The following ZNF718 variants were observed in gnomAD, a reference collection of about 807,000 sequenced individuals.
The protein encoded by ZNF718 is zinc finger protein 718.
In ZNF718, 3 loss-of-function variants were observed where a neutral mutation model predicts 2.6. The observed-to-expected ratio is 1.16, with a 90% CI of 0.53 to 3.01. The LOEUF is 3.01. ZNF718 is among the 30% of genes most tolerant of loss of function. ZNF718 has a pLI of 0.03. For missense variants in ZNF718, 468 were observed against 230.0 expected (o/e 2.03, Z -6.69); for synonymous variants, 135 against 77.9 (o/e 1.73, Z -3.86).
chr4:147,119 C>T (rs1340336048), intron 3 of ZNF718, among the ~76,000 whole-genome samples: 1 of 152,116 alleles, frequency 6.6e-6, no homozygotes, highest in Non-Finnish European at 1.5e-5. Flanking sequence ...TACAGGTGTG[C>T]ACCACCACAC....
intron 3 of ZNF718, among the ~76,000 whole-genome samples, chr4:134,942 T>C (rs1419671778): frequency 6.6e-6 from 1 of 152,028 alleles, no homozygotes; most frequent in East Asian, 1.9e-4. Context: ...TCTCAGTTAA[T>C]GTAGAAAGTT....
intron 3 of ZNF718, among the ~76,000 whole-genome samples, chr4:196,021 C>G (rs185267690): frequency 2.0e-5 from 3 of 151,600 alleles, no homozygotes; most frequent in African/African-American, 7.3e-5. Context: ...TCTCTCTCCC[C>G]TCTCTCTCTC....
intron 1 of ZNF718, among the ~76,000 whole-genome samples, chr4:125,810 C>T (rs1044021667): frequency 1.3e-5 from 2 of 152,334 alleles, no homozygotes; most frequent in Middle Eastern, 3.4e-3. Context: ...TGGCCTAAGA[C>T]AGGGTTCTAC....
At chr4:137,168 G>A (rs1715604567) in intron 3 of ZNF718, among the ~76,000 whole-genome samples, 1 of 152,000 alleles carries the variant, frequency 6.6e-6, no homozygotes, top group South Asian at 2.1e-4. Flanking sequence ...AGCTTTTTGA[G>A]GCCTCTCTAG....
intron 3 of ZNF718, among the ~76,000 whole-genome samples, chr4:170,505 C>G (rs1038608549): frequency 6.6e-6 from 1 of 152,176 alleles, no homozygotes; most frequent in African/African-American, 2.4e-5. Context: ...TAGATTTGGT[C>G]TTTTCACATA....
At chr4:124,700 A>T (rs970763409) in intron 1 of ZNF718, 27 bp downstream of exon 1, 1 of 1,608,320 alleles carries the variant, frequency 6.2e-7, no homozygotes, top group East Asian at 2.2e-5. Flanking sequence ...GGGCGTCCCA[A>T]GGCTGTGGAG....
intron 3 of ZNF718, among the ~76,000 whole-genome samples, chr4:186,642 A>T (rs1717570798): frequency 6.6e-6 from 1 of 152,002 alleles, no homozygotes; most frequent in African/African-American, 2.4e-5. Flanking sequence ...TGCCTGTCTT[A>T]TTTCAGAAAG....
chr4:126,787 A>C (rs1244790696), intron 1 of ZNF718, among the ~76,000 whole-genome samples: 1 of 150,860 alleles, frequency 6.6e-6, no homozygotes, highest in Non-Finnish European at 1.5e-5. Flanking sequence ...TTGCTGTTCT[A>C]TTATGGTGGA....
intron 3 of ZNF718, among the ~76,000 whole-genome samples, chr4:174,614 G>C (rs917174520): frequency 6.6e-6 from 1 of 152,142 alleles, no homozygotes; most frequent in African/African-American, 2.4e-5. Flanking sequence ...AAGAAACCTA[G>C]CTAACAGGAA....
At chr4:140,135 G>T (rs531086061) in intron 3 of ZNF718, among the ~76,000 whole-genome samples, 2 of 151,848 alleles carry the variant, frequency 1.3e-5, no homozygotes, top group Non-Finnish European at 2.9e-5. Context: ...TTCCCTTACC[G>T]TACTCAACTG....
At chr4:194,751 C>T (rs1390671029) in intron 3 of ZNF718, among the ~76,000 whole-genome samples, 7 of 152,300 alleles carry the variant, frequency 4.6e-5, no homozygotes, top group Admixed American at 4.6e-4. Flanking sequence ...GACAAATGCA[C>T]TCTGACTGGG....
intron 1 of ZNF718, among the ~76,000 whole-genome samples, chr4:126,889 C>T (rs563544565): frequency 1.3e-5 from 2 of 150,298 alleles, no homozygotes; most frequent in African/African-American, 4.9e-5. Flanking sequence ...TGCAGTAGTG[C>T]GATCTCGGCT....
At chr4:180,975 A>G (rs1305612186) in intron 3 of ZNF718, among the ~76,000 whole-genome samples, 1 of 152,064 alleles carries the variant, frequency 6.6e-6, no homozygotes, top group Admixed American at 6.6e-5. Context: ...TGTATTCATT[A>G]TGATTCTGTT....
chr4:155,339 C>G (rs1553813471), intron 3 of ZNF718, among the ~76,000 whole-genome samples: 1 of 152,142 alleles, frequency 6.6e-6, no homozygotes, highest in African/African-American at 2.4e-5. Context: ...TGATAGCTCG[C>G]ACCATGCACC....
intron 3 of ZNF718, among the ~76,000 whole-genome samples, chr4:178,723 A>G (rs1379913847): frequency 2.0e-5 from 3 of 152,160 alleles, no homozygotes; most frequent in African/African-American, 4.8e-5. Flanking sequence ...ACCTTGGTTC[A>G]TTTTATTAAA....
At chr4:186,621 C>G (rs1717570456) in intron 3 of ZNF718, among the ~76,000 whole-genome samples, 1 of 152,028 alleles carries the variant, frequency 6.6e-6, no homozygotes, top group African/African-American at 2.4e-5. Flanking sequence ...ATTTTTTTCT[C>G]TATTCATGTC....
intron 1 of ZNF718, among the ~76,000 whole-genome samples, chr4:128,398 G>A (rs1352424381): frequency 9.7e-6 from 1 of 103,032 alleles, no homozygotes; most frequent in Non-Finnish European, 2.2e-5. Flanking sequence ...CTTAGCAGTG[G>A]GAGGTAAGGC....
At chr4:133,305 G>C (rs184256256) in intron 3 of ZNF718, among the ~76,000 whole-genome samples, 6 of 148,666 alleles carry the variant, frequency 4.0e-5, no homozygotes, top group African/African-American at 1.5e-4. Context: ...CACTACCACA[G>C]ATAAGTAAAA....
At chr4:148,463 G>T (rs554871784) in intron 3 of ZNF718, among the ~76,000 whole-genome samples, 2 of 151,982 alleles carry the variant, frequency 1.3e-5, no homozygotes, top group Non-Finnish European at 2.9e-5. Flanking sequence ...ACAAAAATTT[G>T]CTGGGCATGG....
Sources: gnomAD v4.1 joint callset for allele counts (sites outside exome capture counted in the v4.1 genomes callset) on GRCh38, gnomAD v4.1.1 for gene constraint, MANE v1.5 for transcripts, NCBI Gene and HGNC (gene_info 2026-07-23, HGNC 2026-07-21) for gene names.